Variants in PARD3 observed in about 807,000 individuals in gnomAD.
The protein encoded by PARD3 is partitioning defective 3 homolog.
In PARD3, 75 loss-of-function variants were observed where a neutral mutation model predicts 155.4. The ratio of observed to expected loss-of-function variants is 0.48; its 90% CI spans 0.40 to 0.58. The LOEUF (loss-of-function observed/expected upper bound fraction) is 0.58, where lower values mean the gene tolerates loss of function less well. Among genes scored for constraint, PARD3 ranks in the 20% least tolerant of loss-of-function variants. The probability of loss-of-function intolerance (pLI) is 0.00; values close to 1 mark genes in which losing one functional copy is unlikely to be tolerated. For synonymous variants in PARD3, 576 were observed against 610.5 expected (o/e 0.94, Z 0.83); for missense variants, 1,642 against 1,721.7 (o/e 0.95, Z 0.82).
chr10:34,232,996 C>T (rs1029235117), intron 22 of PARD3, among the ~76,000 whole-genome samples: 2 of 150,518 alleles, frequency 1.3e-5, no homozygotes, highest in Admixed American at 6.6e-5. Context: ...GCCACCGTGC[C>T]CGGCCCATCC....
intron 2 of PARD3, among the ~76,000 whole-genome samples, chr10:34,557,481 GT>G (rs911172260): frequency 2.6e-5 from 4 of 152,004 alleles, no homozygotes; most frequent in African/African-American, 9.6e-5. Flanking sequence ...CTACTGTTTC[GT>G]TTTTTTGTTT....
intron 9 of PARD3, among the ~76,000 whole-genome samples, chr10:34,381,698 G>A (rs189768931): frequency 1.3e-5 from 2 of 151,884 alleles, no homozygotes; most frequent in Non-Finnish European, 2.9e-5. Context: ...TTGGGAAGCC[G>A]AGGTAGAAGG....
chr10:34,484,000 A>G (rs1302058787), intron 3 of PARD3, among the ~76,000 whole-genome samples: 2 of 152,238 alleles, frequency 1.3e-5, no homozygotes, highest in African/African-American at 2.4e-5. Flanking sequence ...TCCGGAAGGT[A>G]TATCACAGAC....
chr10:34,768,354 TAACTCGAAGCAAAGGCGGGAC>T (rs1338655261), intron 1 of PARD3, among the ~76,000 whole-genome samples: 10,051 of 129,506 alleles, frequency 0.078, 400 homozygotes, highest in African/African-American at 0.13. Context: ...AAAGGCGGGA[TAACTCGAAGCAAAGGCGGGAC>T]AACTCGAAGC....
chr10:34,500,785 C>T (rs564084340), intron 3 of PARD3, among the ~76,000 whole-genome samples: 13 of 151,988 alleles, frequency 8.6e-5, no homozygotes, highest in African/African-American at 1.5e-4. Context: ...AATACAGTAA[C>T]GTAACTTGTG....
intron 22 of PARD3, among the ~76,000 whole-genome samples, chr10:34,250,762 T>G (rs1274593594): frequency 8.0e-6 from 1 of 124,670 alleles, no homozygotes; most frequent in African/African-American, 2.5e-5. Context: ...GAACTTATTT[T>G]AATTATCATA....
At position 34,243,294 on chromosome 10, in the gene PARD3, T is replaced by C. The variant is rs77394212; in HGVS notation, c.3419+26363A>G. ...TCAAAACAAAGGACCTGGAAAACAC[T>C]AGATAGATGCAAATCATCCTTATGC... On this transcript the variant is annotated intron_variant, in intron 22 of 24. Coordinates refer to ENST00000374788, the MANE Select transcript of PARD3 (RefSeq NM_001184785.2). Among the ~76,000 whole-genome samples the C allele has an allele frequency of 6.0e-3, 911 of 152,288 alleles. 21 individuals carry two copies. Among genetic ancestry groups the C allele is most frequent in the Admixed American group, 0.038 (576 of 15,300 alleles).
At chr10:34,472,072 A>T (rs2078385059) in intron 3 of PARD3, among the ~76,000 whole-genome samples, 1 of 152,220 alleles carries the variant, frequency 6.6e-6, no homozygotes, top group Admixed American at 6.5e-5. Flanking sequence ...AGCAAACAGA[A>T]GCATATGAAA....
intron 2 of PARD3, among the ~76,000 whole-genome samples, chr10:34,636,610 C>T (rs142723739): frequency 1.2e-3 from 178 of 152,306 alleles, no homozygotes; most frequent in African/African-American, 4.0e-3. Flanking sequence ...ATGATGCTTA[C>T]GATGGTGTGC....
chr10:34,261,737 AAAGGAAGAAAGG>A (rs1328885072), intron 22 of PARD3, among the ~76,000 whole-genome samples: 1 of 123,792 alleles, frequency 8.1e-6, no homozygotes, highest in Non-Finnish European at 1.6e-5. Flanking sequence ...AGGAAGGAAG[AAAGGAAGAAAGG>A]AAGGAAGAAA....
At chr10:34,720,784 C>T (rs1045778146) in intron 1 of PARD3, among the ~76,000 whole-genome samples, 10 of 149,392 alleles carry the variant, frequency 6.7e-5, no homozygotes, top group African/African-American at 2.0e-4. Context: ...GCAACAAGAG[C>T]GAAACTCTGT....
chr10:34,136,275 C>G (rs1947891290), intron 22 of PARD3, among the ~76,000 whole-genome samples: 1 of 152,214 alleles, frequency 6.6e-6, no homozygotes, highest in Non-Finnish European at 1.5e-5. Context: ...TTCCCAGCTG[C>G]CTAAGCCTGA....
intron 2 of PARD3, among the ~76,000 whole-genome samples, chr10:34,562,123 CAAAAAAAAAAAAAAAAAA>C (rs3041198): frequency 7.6e-5 from 2 of 26,364 alleles, no homozygotes; most frequent in Non-Finnish European, 1.4e-4. Flanking sequence ...CTGACTGTCT[CAAAAAAAAAAAAAAAAAA>C]AAAAAAAAAA....
At chr10:34,562,108 G>A (rs1192173600) in intron 2 of PARD3, among the ~76,000 whole-genome samples, 7 of 130,416 alleles carry the variant, frequency 5.4e-5, no homozygotes, top group African/African-American at 1.2e-4. Context: ...CCTGGGTGAC[G>A]GAGCCTGACT....
intron 5 of PARD3, among the ~76,000 whole-genome samples, chr10:34,441,668 C>T (rs537060234): frequency 3.9e-5 from 6 of 152,274 alleles, no homozygotes; most frequent in South Asian, 2.1e-4. Context: ...CCCCACACTC[C>T]GGTCCTGTGC....
chr10:34,663,778 G>C (rs1040349027), intron 2 of PARD3: 10 of 150,864 alleles, frequency 6.6e-5, no homozygotes, highest in African/African-American at 2.5e-4. Context: ...TTCCCCCTCA[G>C]TTTTTGTTAT....
At chr10:34,421,201 T>C (rs1008385766) in intron 5 of PARD3, among the ~76,000 whole-genome samples, 1 of 152,022 alleles carries the variant, frequency 6.6e-6, no homozygotes, top group Non-Finnish European at 1.5e-5. Context: ...ATGCAAAGTA[T>C]AATTTATCTT....
chr10:34,755,074 T>A (rs1353009171), intron 1 of PARD3, among the ~76,000 whole-genome samples: 1 of 151,548 alleles, frequency 6.6e-6, no homozygotes, highest in Non-Finnish European at 1.5e-5. Flanking sequence ...ACATTTTCAA[T>A]GAGGCAAAGG....
chr10:34,539,217 G>T (rs998339023), intron 2 of PARD3, among the ~76,000 whole-genome samples: 1 of 152,172 alleles, frequency 6.6e-6, no homozygotes, highest in African/African-American at 2.4e-5. Context: ...TTTAGGTAAA[G>T]TATTGTGGTG....
Sources: gnomAD v4.1 joint callset for allele counts (sites outside exome capture counted in the v4.1 genomes callset) on GRCh38, gnomAD v4.1.1 for gene constraint, MANE v1.5 for transcripts, NCBI Gene and HGNC (gene_info 2026-07-23, HGNC 2026-07-21) for gene names.